PTPRQ: variants seen among roughly 807,000 people sequenced by gnomAD.
PTPRQ encodes the protein protein tyrosine phosphatase receptor type Q.
PTPRQ carries 199 observed loss-of-function variants against 246.0 expected under a neutral mutation model. The observed-to-expected ratio is 0.81, with a 90% CI of 0.72 to 0.91. The LOEUF is 0.91. Ranked by LOEUF, PTPRQ falls within the 40% of genes least tolerant of loss-of-function variation. PTPRQ has a pLI of 0.00. For missense variants in PTPRQ, 2,624 were observed against 2,528.4 expected, an observed-to-expected ratio of 1.04 and a Z score of -0.81; for synonymous variants, 869 against 853.2, an observed-to-expected ratio of 1.02 and a Z score of -0.32.
chr12:80,445,715 A>G lies in PTPRQ; in HGVS notation c.388A>G (p.Lys130Glu). 1 of 1,526,078 alleles carries G rather than the reference A, an allele frequency of 6.6e-7. No individual in the cohort carries two copies. The highest frequency in any genetic ancestry group is 8.9e-7 in the Non-Finnish European group (1 of 1,124,144). The allele number at this position is 1,526,078 out of a possible 1,614,324, so 94.5% of individuals were successfully genotyped here. The change falls in exon 3 of 45, where the codon AAG (lysine) becomes GAG (glutamate). Residue 130 changes from lysine to glutamate, a missense_variant and splice_region_variant. Coordinates refer to ENST00000644991, the MANE Select transcript of PTPRQ (RefSeq NM_001145026.2). Reference sequence around the variant, plus strand: ...TAATCCTGGAACAACATATGAAATTAAGGTAATTATTTTGTGTATGACTAC... The same window carrying G: ...TAATCCTGGAACAACATATGAAATTGAGGTAATTATTTTGTGTATGACTAC... The part of the protein sequence containing the change: ...NLNPGTTYEI[K>E]VAAENSAGIG...
At chr12:80,572,533 G>A (rs982850793) in intron 25 of PTPRQ, among the ~76,000 whole-genome samples, 3 of 152,012 alleles carry the variant, frequency 2.0e-5, no homozygotes, top group Non-Finnish European at 2.9e-5. Context: ...GCACTGGCTT[G>A]ACTCTCCAGT....
intron 39 of PTPRQ, among the ~76,000 whole-genome samples, chr12:80,660,689 A>G (rs1341815256): frequency 1.3e-5 from 2 of 152,004 alleles, no homozygotes; most frequent in Admixed American, 6.6e-5. Flanking sequence ...AAAGGCTATC[A>G]TGCAAATGGT....
chr12:80,530,277 T>C (rs377059898), intron 17 of PTPRQ, among the ~76,000 whole-genome samples: 5 of 152,328 alleles, frequency 3.3e-5, no homozygotes, highest in African/African-American at 1.2e-4. Flanking sequence ...AAAGTTATTG[T>C]CCTTGTCCTT....
Position 80,616,276 on chromosome 12 carries a change from T to C in PTPRQ, c.5230+10T>C. The C allele has an allele frequency of 6.8e-7, 1 of 1,465,706 alleles. No homozygotes were observed. 90.8% of individuals were successfully genotyped at this position (1,465,706 alleles called of 1,614,324 possible). A position where few individuals can be genotyped will look rare whatever the true frequency, so the allele number is the denominator to read the frequency against. On this transcript the variant is annotated intron_variant, in intron 30 of 44. Coordinates refer to ENST00000644991, the MANE Select transcript of PTPRQ (RefSeq NM_001145026.2). Reference sequence around the variant, plus strand: ...ACCATGGATATCAAAGGTACATACATGAGCTACCTTCCTATGAAATGCTAT... The same window carrying C: ...ACCATGGATATCAAAGGTACATACACGAGCTACCTTCCTATGAAATGCTAT...
chr12:80,649,337 A>C (rs1048640342), intron 36 of PTPRQ, among the ~76,000 whole-genome samples: 5 of 152,270 alleles, frequency 3.3e-5, no homozygotes, highest in Middle Eastern at 3.4e-3. Flanking sequence ...TTCTTCATTA[A>C]AATGCTAAAT....
Position 80,493,336 on chromosome 12 carries a change from A to G in PTPRQ, c.1421A>G (p.Tyr474Cys), listed in dbSNP as rs1016806598. The change falls in exon 10 of 45, where the codon TAT becomes TGT. Residue 474 changes from tyrosine to cysteine, a missense_variant. Tyr to Cys is a radical substitution (Grantham distance 194, BLOSUM62 -2). Transcript: ENST00000644991. The part of the protein sequence containing the change: ...VNIVEPMVGL[Y>C]EGSAEMSSDL... ...ATAGTAGAGCCAATGGTAGGATTAT[A>G]TGAGGGTTCAGCAGAGATGTCGTCT... 1 of 1,549,734 alleles carries G rather than the reference A, an allele frequency of 6.5e-7. No individual in the cohort carries two copies. The highest frequency in any genetic ancestry group is 1.2e-5 in the South Asian group (1 of 83,906).
At chr12:80,560,190 A>G (rs1260497033) in intron 25 of PTPRQ, among the ~76,000 whole-genome samples, 2 of 152,196 alleles carry the variant, frequency 1.3e-5, no homozygotes, top group African/African-American at 4.8e-5. Context: ...GCTCTGCTCC[A>G]GGAGAGACCT....
At chr12:80,507,391 A>G (rs1441196958) in intron 16 of PTPRQ, among the ~76,000 whole-genome samples, 1 of 151,996 alleles carries the variant, frequency 6.6e-6, no homozygotes, top group Non-Finnish European at 1.5e-5. Flanking sequence ...TATTTCCAAG[A>G]AGGGTAGGCC....
chr12:80,666,776 C>G (rs1289795715), intron 39 of PTPRQ, among the ~76,000 whole-genome samples: 5 of 150,476 alleles, frequency 3.3e-5, no homozygotes, highest in Non-Finnish European at 7.4e-5. Flanking sequence ...ATTGATTTCT[C>G]TGTTTCTCTC....
intron 17 of PTPRQ, among the ~76,000 whole-genome samples, chr12:80,513,445 C>A (rs974694641): frequency 1.3e-5 from 2 of 152,164 alleles, no homozygotes; most frequent in Non-Finnish European, 2.9e-5. Context: ...TTGTGTCTTA[C>A]GCCAACGTGT....
chr12:80,607,777 G>A (rs1351552066), intron 27 of PTPRQ, among the ~76,000 whole-genome samples: 2 of 150,786 alleles, frequency 1.3e-5, no homozygotes, highest in African/African-American at 2.4e-5. Context: ...TTAATAAAAT[G>A]TAAATATCAT....
At chr12:80,479,025 A>G (rs1196465939) in intron 8 of PTPRQ, among the ~76,000 whole-genome samples, 1 of 151,932 alleles carries the variant, frequency 6.6e-6, no homozygotes, top group Non-Finnish European at 1.5e-5. Context: ...AATACAGAGA[A>G]CACCACAAAG....
At chr12:80,605,850 G>T (rs1016218461) in intron 27 of PTPRQ, among the ~76,000 whole-genome samples, 3 of 151,054 alleles carry the variant, frequency 2.0e-5, no homozygotes, top group Non-Finnish European at 4.5e-5. Flanking sequence ...GGTGCCAGTT[G>T]GTGATACAGA....
At chr12:80,507,472 T>C (rs911024510) in intron 16 of PTPRQ, among the ~76,000 whole-genome samples, 28 of 151,936 alleles carry the variant, frequency 1.8e-4, no homozygotes, top group African/African-American at 6.0e-4. Flanking sequence ...TTCCCCATCT[T>C]CAAGCTAGGC....
At chr12:80,556,652 T>C (rs1896654943) in intron 25 of PTPRQ, among the ~76,000 whole-genome samples, 1 of 152,170 alleles carries the variant, frequency 6.6e-6, no homozygotes, top group African/African-American at 2.4e-5. Context: ...TCCTCTTTTA[T>C]TGGAAATATC....
rs1185745941 is a variant in PTPRQ, at chr12:80,619,542, G to A, written c.5389G>A (p.Ala1797Thr). 1.6e-5 allele frequency: 24 copies of A among 1,520,054 alleles called. 1 individual carries two copies. The highest frequency in any genetic ancestry group is 2.6e-5 in the South Asian group (2 of 78,420). 94.2% of individuals were successfully genotyped at this position (1,520,054 alleles called of 1,614,324 possible). The change falls in exon 31 of 45, where the codon GCT becomes ACT. Residue 1797 changes from alanine to threonine, a missense_variant and splice_region_variant. Ala to Thr is a moderately conservative substitution (Grantham distance 58). Transcript: ENST00000644991. ...NVQVLVTETG[A>T]QHDGNVTKWY... Reference sequence around the variant, plus strand: ...ACAAGTGCTTGTGACAGAAACAGGAGGTATCATCACATGTCAATTTATCTT... The same window carrying A: ...ACAAGTGCTTGTGACAGAAACAGGAAGTATCATCACATGTCAATTTATCTT...
Position 80,483,832 on chromosome 12 carries a change from G to A in PTPRQ, c.1187-601G>A, listed in dbSNP as rs143740260. Among the ~76,000 whole-genome samples the A allele has an allele frequency of 8.2e-3, 1,242 of 152,012 alleles. 16 individuals are homozygous for A. The highest frequency in any genetic ancestry group is 0.029 in the African/African-American group (1,183 of 41,442). On this transcript the variant is annotated intron_variant, in intron 8 of 44. Coordinates refer to ENST00000644991, the MANE Select transcript of PTPRQ (RefSeq NM_001145026.2). ...TCCCTCTTATGAGTGTGAACATGCG[G>A]CGTTTGGTTTTTTGTCCTTGTGATA...
chr12:80,610,524 CA>C lies in PTPRQ; in HGVS notation c.4819del (p.Arg1607GlyfsTer4). ...GAAATTAAAGATTTAGAAATATTCA[CA>C]AGGTATTCTGTAGTGATCACTGCAT... is the stretch of plus-strand genomic sequence containing the variant. ...TIEIKDLEIF[T>X]RYSVVITAFT... On this transcript the variant is annotated frameshift_variant, in exon 28 of 45. Coordinates refer to ENST00000644991, the MANE Select transcript of PTPRQ (RefSeq NM_001145026.2). LOFTEE classifies it high-confidence loss of function. The C allele has an allele frequency of 6.5e-7, 1 of 1,534,804 alleles. No individual in the cohort carries two copies. Among genetic ancestry groups the C allele is most frequent in the African/African-American group, 1.4e-5 (1 of 71,834 alleles).
At chr12:80,562,563 A>G (rs998547433) in intron 25 of PTPRQ, among the ~76,000 whole-genome samples, 1 of 152,204 alleles carries the variant, frequency 6.6e-6, no homozygotes, top group African/African-American at 2.4e-5. Context: ...AAATACATCA[A>G]ACTGAATATG....
Sources: allele counts gnomAD v4.1 joint callset (sites outside exome capture counted in the v4.1 genomes callset), GRCh38; gene constraint gnomAD v4.1.1; transcripts MANE v1.5; gene names NCBI Gene and HGNC (gene_info 2026-07-23, HGNC 2026-07-21).